The following SATB2 variants were observed in gnomAD, a reference collection of about 807,000 sequenced individuals.
SATB2 encodes the protein SATB homeobox 2.
SATB2 carries 1 observed loss-of-function variant against 73.4 expected under a neutral mutation model. The ratio of observed to expected loss-of-function variants is 0.01; its 90% CI spans 0.00 to 0.06. The LOEUF is 0.06. Among genes scored for constraint, SATB2 ranks in the 10% least tolerant of loss-of-function variants. The pLI is 1.00. For missense variants in SATB2, 459 were observed against 945.8 expected, an observed-to-expected ratio of 0.49 and a Z score of 6.75; for synonymous variants, 397 against 367.0, an observed-to-expected ratio of 1.08 and a Z score of -0.93.
At chr2:199,435,497 C>T (rs1020188451) in intron 2 of SATB2, among the ~76,000 whole-genome samples, 8 of 152,032 alleles carry the variant, frequency 5.3e-5, no homozygotes, top group East Asian at 3.9e-4. Context: ...TACAGGCGCC[C>T]GTCAACACGC....
At chr2:199,284,497 T>A (rs888424537) in intron 10 of SATB2, among the ~76,000 whole-genome samples, 2 of 152,184 alleles carry the variant, frequency 1.3e-5, no homozygotes, top group African/African-American at 2.4e-5. Flanking sequence ...CTATTGTAAT[T>A]ACACATCTAC....
Position 199,281,853 on chromosome 2 carries a change from T to C in SATB2, c.1741-9181A>G, listed in dbSNP as rs150740186. Among the ~76,000 whole-genome samples the C allele has an allele frequency of 2.8e-4, 43 of 152,102 alleles. 2 individuals carry two copies. In the South Asian group the frequency reaches 4.2e-3, roughly 15 times the overall value. Reference sequence around the variant, plus strand: ...CACAATTAGTGCTCAGTATCTTTGTTCTGTGGCGCTGCATTCCATATTCTC... The same window carrying C: ...CACAATTAGTGCTCAGTATCTTTGTCCTGTGGCGCTGCATTCCATATTCTC... On this transcript the variant is annotated intron_variant, in intron 10 of 10. Coordinates refer to ENST00000417098, the MANE Select transcript of SATB2 (RefSeq NM_001172509.2).
chr2:199,340,750 C>T (rs1244581912), intron 7 of SATB2, among the ~76,000 whole-genome samples: 1 of 152,142 alleles, frequency 6.6e-6, no homozygotes, highest in Non-Finnish European at 1.5e-5. Flanking sequence ...ATGAGGATCG[C>T]ACCTAATTTC....
rs115565442 is a variant in SATB2 at position 199,305,345 on chromosome 2, A to G, written c.1740+3415T>C. On this transcript the variant is annotated intron_variant, in intron 10 of 10. Transcript: ENST00000417098. ...TTAAATGTGGACTTGAGGGGCCGAT[A>G]GGGGGGTAAAAGGTGGGAGGAGGGG... Among the ~76,000 whole-genome samples the G allele has an allele frequency of 7.7e-3, 1,163 of 151,166 alleles. 7 individuals carry two copies. The highest frequency in any genetic ancestry group is 0.013 in the Non-Finnish European group (862 of 67,724).
chr2:199,390,612 A>T (rs1690101147), intron 3 of SATB2, among the ~76,000 whole-genome samples: 1 of 152,190 alleles, frequency 6.6e-6, no homozygotes, highest in Non-Finnish European at 1.5e-5. Flanking sequence ...ACTTTGCTAC[A>T]TTCTAGCAGA....
Position 199,394,100 on chromosome 2 carries a change from C to T in SATB2, c.347-12280G>A, listed in dbSNP as rs184795497. On this transcript the variant is annotated intron_variant, in intron 3 of 10. Transcript: ENST00000417098. ...TTTATGTTAATGAAAGACAATAACA[C>T]AATCATTAGGACACGATACTCTCAG... 4.7e-4 allele frequency among the ~76,000 whole-genome samples: 71 copies of T among 152,254 alleles called. 1 individual carries two copies. Among genetic ancestry groups the T allele is most frequent in the African/African-American group, 1.7e-3 (69 of 41,556 alleles).
At chr2:199,312,694 T>C (rs755109588) in intron 9 of SATB2, among the ~76,000 whole-genome samples, 1 of 152,136 alleles carries the variant, frequency 6.6e-6, no homozygotes, top group Non-Finnish European at 1.5e-5. Flanking sequence ...TGATAAACCA[T>C]CAGGGTTAAA....
chr2:199,391,004 T>A (rs1032471165), intron 3 of SATB2, among the ~76,000 whole-genome samples: 3 of 152,232 alleles, frequency 2.0e-5, no homozygotes, highest in African/African-American at 7.2e-5. Context: ...TTCATTTATG[T>A]TGTACATTTT....
chr2:199,351,030 A>G (rs1473705515), intron 6 of SATB2, among the ~76,000 whole-genome samples: 1 of 94,604 alleles, frequency 1.1e-5, no homozygotes, highest in Admixed American at 1.2e-4. Context: ...CTCTGTCTCC[A>G]AAAAAAAAAA....
At chr2:199,293,172 G>A (rs1692922970) in intron 10 of SATB2, among the ~76,000 whole-genome samples, 1 of 152,132 alleles carries the variant, frequency 6.6e-6, no homozygotes, top group Non-Finnish European at 1.5e-5. Context: ...CTAGGTTCAT[G>A]CAGCCAGAAT....
chr2:199,453,583 A>T (rs4673353), intron 2 of SATB2, among the ~76,000 whole-genome samples: 1 of 152,028 alleles, frequency 6.6e-6, no homozygotes, highest in Non-Finnish European at 1.5e-5. Flanking sequence ...AACATTTTTT[A>T]AAATTTAGAA....
At chr2:199,302,110 C>T (rs987712694) in intron 10 of SATB2, among the ~76,000 whole-genome samples, 2 of 152,138 alleles carry the variant, frequency 1.3e-5, no homozygotes, top group Non-Finnish European at 2.9e-5. Flanking sequence ...TTTCTTTGGC[C>T]TACTTTGCCT....
At chr2:199,384,379 C>T (rs1453947745) in intron 3 of SATB2, among the ~76,000 whole-genome samples, 1 of 152,174 alleles carries the variant, frequency 6.6e-6, no homozygotes, top group East Asian at 1.9e-4. Context: ...CAGCTATTTA[C>T]CAGGGTCTGC....
chr2:199,271,137 T>G lies in SATB2; in HGVS notation c.*1074A>C, dbSNP rs1692142440. 2 of 152,744 alleles carry G rather than the reference T, an allele frequency of 1.3e-5. No individual in the cohort carries two copies. The highest frequency in any genetic ancestry group is 6.5e-5 in the Admixed American group (1 of 15,268). 9.5% of individuals were successfully genotyped at this position (152,744 alleles called of 1,614,324 possible). ...AAAAAAACAGCAACAACAAACAACTTTTAAACGAGCAGGCTTATTAATTTT... is the reference window on the plus strand; with the variant it reads ...AAAAAAACAGCAACAACAAACAACTGTTAAACGAGCAGGCTTATTAATTTT... On this transcript the variant is annotated 3_prime_UTR_variant, in exon 11 of 11. Coordinates refer to ENST00000417098, the MANE Select transcript of SATB2 (RefSeq NM_001172509.2).
intron 10 of SATB2, among the ~76,000 whole-genome samples, chr2:199,291,956 A>C (rs1203836435): frequency 2.0e-5 from 3 of 151,866 alleles, no homozygotes; most frequent in Admixed American, 2.0e-4. Context: ...ACAAACAAAA[A>C]CCACTTGATT....
Position 199,348,892 on chromosome 2 carries a change from C to A in SATB2, c.982G>T (p.Ala328Ser). The A allele has an allele frequency of 1.9e-6, 3 of 1,614,104 alleles. No individual in the cohort carries two copies. Among genetic ancestry groups the A allele is most frequent in the Non-Finnish European group, 1.7e-6 (2 of 1,180,012 alleles). Reference sequence around the variant, plus strand: ...TTGATGGCTTGAGGATGCTGGTGAGCCAGGAGCCGGCTAACGGCAATCTGT... The same window carrying A: ...TTGATGGCTTGAGGATGCTGGTGAGACAGGAGCCGGCTAACGGCAATCTGT... ...NQQIAVSRLL[A>S]HQHPQAINQQ... Residue 328 changes from alanine (A) to serine (S), a missense_variant, in exon 7 of 11, where the codon GCT becomes TCT. By Grantham distance (99) the Ala-to-Ser change is moderately conservative. Coordinates refer to ENST00000417098, the MANE Select transcript of SATB2 (RefSeq NM_001172509.2).
chr2:199,451,485 A>G (rs1194102817), intron 2 of SATB2, among the ~76,000 whole-genome samples: 1 of 151,744 alleles, frequency 6.6e-6, no homozygotes, highest in African/African-American at 2.4e-5. Context: ...GGAGAAATAC[A>G]ATCTTTTCTC....
At chr2:199,469,786 A>T (rs1031775071), upstream of SATB2, 7 of 152,218 alleles carry the variant, frequency 4.6e-5, no homozygotes, top group Non-Finnish European at 7.3e-5. Flanking sequence ...CACCAGCGAA[A>T]CCCCTTCCCA....
intron 6 of SATB2, among the ~76,000 whole-genome samples, chr2:199,352,468 T>C (rs893920077): frequency 6.6e-6 from 1 of 152,212 alleles, no homozygotes; most frequent in Non-Finnish European, 1.5e-5. Flanking sequence ...TTTAAGGTTA[T>C]ATATAATCAT....
Sources: allele counts gnomAD v4.1 joint callset (sites outside exome capture counted in the v4.1 genomes callset), GRCh38; gene constraint gnomAD v4.1.1; transcripts MANE v1.5; gene names NCBI Gene and HGNC (gene_info 2026-07-23, HGNC 2026-07-21).